Variants in TVP23B observed in about 807,000 individuals in gnomAD.
TVP23B encodes the protein Golgi apparatus membrane protein TVP23 homolog B.
In TVP23B, 10 loss-of-function variants were observed where a neutral mutation model predicts 30.6. The observed-to-expected ratio is 0.33, with a 90% CI of 0.20 to 0.55. TVP23B has a LOEUF of 0.55. TVP23B is among the 20% of genes least tolerant of loss of function. The probability of loss-of-function intolerance (pLI) is 0.91; values close to 1 mark genes in which losing one functional copy is unlikely to be tolerated. For synonymous variants in TVP23B, 67 were observed against 83.1 expected, an observed-to-expected ratio of 0.81 and a Z score of 1.06; for missense variants, 153 against 243.2, an observed-to-expected ratio of 0.63 and a Z score of 2.47.
chr17:18,796,549 C>CA (rs571117930), intron 3 of TVP23B: 1 of 151,586 alleles, frequency 6.6e-6, no homozygotes, highest in Non-Finnish European at 1.5e-5. Context: ...GTCTCAAAAA[C>CA]AAAAAACAAA....
In TVP23B at chr17:18,806,085, A is replaced by G. The variant is rs2036246934; in HGVS notation, c.*518A>G. On this transcript the variant is annotated 3_prime_UTR_variant, in exon 7 of 7. Coordinates refer to ENST00000307767, the MANE Select transcript of TVP23B (RefSeq NM_016078.6). ...TTTTTAATATGCACTTCGTGGGGAAATTTCTTAGACGTATGCAAGCAAGTG... is the reference window on the plus strand; with the variant it reads ...TTTTTAATATGCACTTCGTGGGGAAGTTTCTTAGACGTATGCAAGCAAGTG... The G allele has an allele frequency of 3.1e-6, 3 of 978,000 alleles. No homozygotes were observed. The highest frequency in any genetic ancestry group is 4.7e-5 in the South Asian group (1 of 21,128). 60.6% of individuals were successfully genotyped at this position (978,000 alleles called of 1,614,324 possible). A position where few individuals can be genotyped will look rare whatever the true frequency, so the allele number is the denominator to read the frequency against.
At chr17:18,782,602 GC>G (rs1447804614) in intron 1 of TVP23B, 1 of 152,228 alleles carries the variant, frequency 6.6e-6, no homozygotes, top group African/African-American at 2.4e-5. Context: ...TAAAGGAGTG[GC>G]TACTCCATAG....
chr17:18,801,912 T>C (rs2036172555), intron 5 of TVP23B, among the ~76,000 whole-genome samples: 1 of 152,164 alleles, frequency 6.6e-6, no homozygotes, highest in African/African-American at 2.4e-5. Context: ...ATTCACAAAA[T>C]TGCAGCCTAC....
intron 3 of TVP23B, chr17:18,796,074 C>T (rs1414724219): frequency 6.7e-6 from 1 of 149,080 alleles, no homozygotes; most frequent in Non-Finnish European, 1.5e-5. Flanking sequence ...ACTTTCAAAG[C>T]AGTGGTGAGC....
At chr17:18,799,087 C>T in intron 5 of TVP23B, 144 bp downstream of exon 5, 3 of 918,932 alleles carry the variant, frequency 3.3e-6, no homozygotes, top group South Asian at 2.5e-5. Context: ...GTTTTGCTTC[C>T]CAACTTTACC....
chr17:18,786,243 T>C (rs1274912821), intron 1 of TVP23B, among the ~76,000 whole-genome samples: 1 of 151,914 alleles, frequency 6.6e-6, no homozygotes, highest in African/African-American at 2.4e-5. Flanking sequence ...ATCTGTGAAA[T>C]TCTTTTTGCC....
rs1456775835 is a variant in TVP23B at position 18,804,612 on chromosome 17, A to G, written c.591+346A>G. 43 of 1,143,846 alleles carry G rather than the reference A, an allele frequency of 3.8e-5. 1 individual carries two copies. Among genetic ancestry groups the G allele is most frequent in the South Asian group, 1.5e-4 (7 of 45,572 alleles). The allele number at this position is 1,143,846 out of a possible 1,614,324, so 70.9% of individuals were successfully genotyped here. On this transcript the variant is annotated intron_variant, in intron 6 of 6. Transcript: ENST00000307767. Reference sequence around the variant, plus strand: ...TGTTTTTTTTTTTTTTTTTTGAGACAGAGTTTTGCTCTGTCGCCCAGGCTG... The same window carrying G: ...TGTTTTTTTTTTTTTTTTTTGAGACGGAGTTTTGCTCTGTCGCCCAGGCTG...
intron 1 of TVP23B, among the ~76,000 whole-genome samples, chr17:18,785,333 G>A (rs28431069): frequency 6.6e-5 from 10 of 151,124 alleles, no homozygotes; most frequent in East Asian, 3.9e-4. Context: ...TTTTGTGTCC[G>A]TGGTCTTCCC....
chr17:18,792,204 T>G (rs2036008175), intron 3 of TVP23B, among the ~76,000 whole-genome samples: 1 of 152,004 alleles, frequency 6.6e-6, no homozygotes. Flanking sequence ...TGGCTAATTT[T>G]TTTGTATTTT....
At chr17:18,799,287 G>A (rs71367497) in intron 5 of TVP23B, among the ~76,000 whole-genome samples, 5,999 of 148,244 alleles carry the variant, frequency 0.04, 203 homozygotes, top group Non-Finnish European at 0.061. Flanking sequence ...CTTGGGAAGG[G>A]CTCTGCTGGG....
intron 3 of TVP23B, among the ~76,000 whole-genome samples, chr17:18,792,292 T>C (rs1276621057): frequency 6.6e-6 from 1 of 152,168 alleles, no homozygotes; most frequent in Non-Finnish European, 1.5e-5. Flanking sequence ...CACCTCAGCC[T>C]CCCAAAGTGC....
chr17:18,797,404 A>C, intron 3 of TVP23B, 175 bp from the exon 4 acceptor site: 1 of 1,333,744 alleles, frequency 7.5e-7, no homozygotes, highest in African/African-American at 1.5e-5. Context: ...TCCTGCCATT[A>C]CCATTTTACT....
At chr17:18,783,594 G>C (rs1364098798) in intron 1 of TVP23B, among the ~76,000 whole-genome samples, 1 of 152,156 alleles carries the variant, frequency 6.6e-6, no homozygotes, top group African/African-American at 2.4e-5. Flanking sequence ...CACTGAAAAT[G>C]GAAGCCGTCG....
At chr17:18,783,188 C>CTCTGCCTCCCGGCTTCAAGCGATTCT (rs1262517019) in intron 1 of TVP23B, among the ~76,000 whole-genome samples, 2 of 150,042 alleles carry the variant, frequency 1.3e-5, no homozygotes, top group African/African-American at 2.5e-5. Flanking sequence ...TCACTGCAAC[C>CTCTGCCTCCCGGCTTCAAGCGATTCT]TCTGCCTCCC....
intron 5 of TVP23B, among the ~76,000 whole-genome samples, chr17:18,803,479 A>T (rs1446432854): frequency 6.6e-6 from 1 of 152,242 alleles, no homozygotes; most frequent in East Asian, 1.9e-4. Context: ...AGAAATTTTT[A>T]AAGAATGGGT....
Position 18,806,257 on chromosome 17 carries a change from C to T in TVP23B, c.*690C>T. ...GATTGCTGCTGTTCTATTTATTTTA[C>T]AGAAAGGATAGCTAGATTGAAAGCT... On this transcript the variant is annotated 3_prime_UTR_variant, in exon 7 of 7. Transcript: ENST00000307767. 1.0e-6 allele frequency: 1 copy of T among 968,728 alleles called. No homozygotes were observed. 60.0% of individuals were successfully genotyped at this position (968,728 alleles called of 1,614,324 possible).
Position 18,805,422 on chromosome 17 carries a change from G to A in TVP23B, c.592-119G>A, listed in dbSNP as rs549020156. 150 of 1,504,190 alleles carry A rather than the reference G, an allele frequency of 1.0e-4. No homozygotes were observed. In the African/African-American group the frequency reaches 1.9e-3, roughly 19 times the overall value. The allele number at this position is 1,504,190 out of a possible 1,614,324, so 93.2% of individuals were successfully genotyped here. On this transcript the variant is annotated intron_variant, in intron 6 of 6. Transcript: ENST00000307767. The stretch of plus-strand genomic sequence containing the variant: ...TTTTAATGTGATTGGGCCATTGTAT[G>A]TAAGGTAATGCTCTGCTTAGAAATA...
At chr17:18,791,187 G>GTTTTTTTTTTTTTTTTTTT (rs762889436) in intron 3 of TVP23B, 147 bp downstream of exon 3, 1 of 109,174 alleles carries the variant, frequency 9.2e-6, no homozygotes, top group Non-Finnish European at 1.4e-5. Flanking sequence ...ATTGCATGTA[G>GTTTTTTTTTTTTTTTTTTT]TTTTTTTTTT....
chr17:18,804,669 A>T, intron 6 of TVP23B: 1 of 827,628 alleles, frequency 1.2e-6, no homozygotes, highest in Non-Finnish European at 1.5e-6. Flanking sequence ...GCTCACTGCA[A>T]CCTCTGCCCC....
Sources: allele counts gnomAD v4.1 joint callset (sites outside exome capture counted in the v4.1 genomes callset), GRCh38; gene constraint gnomAD v4.1.1; transcripts MANE v1.5; gene names NCBI Gene and HGNC (gene_info 2026-07-23, HGNC 2026-07-21).